SLC39A14: variants seen among roughly 807,000 people sequenced by gnomAD.
The protein encoded by SLC39A14 is solute carrier family 39 member 14.
Under a neutral mutation model 45.5 loss-of-function variants are expected in SLC39A14, and 19 were observed. That is an observed-to-expected ratio of 0.42 (90% confidence interval 0.29 to 0.61). The LOEUF (loss-of-function observed/expected upper bound fraction) is 0.61. Ranked by LOEUF, SLC39A14 falls within the 20% of genes least tolerant of loss-of-function variation. The probability of loss-of-function intolerance (pLI) is 0.22; values close to 1 mark genes in which losing one functional copy is unlikely to be tolerated. For missense variants in SLC39A14, 447 were observed against 616.5 expected, an observed-to-expected ratio of 0.73 and a Z score of 2.91; for synonymous variants, 264 against 251.3, an observed-to-expected ratio of 1.05 and a Z score of -0.48.
intron 8 of SLC39A14, 140 bp from the exon 9 acceptor site, chr8:22,419,412 G>A: frequency 1.3e-6 from 1 of 753,860 alleles, no homozygotes; most frequent in Non-Finnish European, 2.2e-6. Context: ...TCGAACTCCT[G>A]ACCTCTAGTG....
At position 22,408,467 on chromosome 8, in the gene SLC39A14, C is replaced by T. The variant is rs753123757; in HGVS notation, c.428C>T (p.Thr143Met). The T allele has an allele frequency of 1.3e-5, 21 of 1,613,910 alleles. No homozygotes were observed. The South Asian group carries it at 1.5e-4, about 12-fold the overall frequency. ...ENQENEENEQ[T>M]EEGRPSAVEV... is the part of the protein sequence containing the mutation. ...CAGGAAAACGAGGAGAATGAGCAGA[C>T]GGAGGAGGGGCGGCCAAGCGCTGTT... is the stretch of plus-strand genomic sequence containing the variant. Residue 143 changes from threonine (T) to methionine (M), a missense_variant, in exon 3 of 9, where the codon ACG becomes ATG. By Grantham distance (81) the Thr-to-Met change is moderately conservative (BLOSUM62 -1). Coordinates refer to ENST00000381237, the MANE Select transcript of SLC39A14 (RefSeq NM_001128431.4).
At chr8:22,375,724 G>A (rs2132170320) in intron 1 of SLC39A14, among the ~76,000 whole-genome samples, 1 of 152,244 alleles carries the variant, frequency 6.6e-6, no homozygotes, top group African/African-American at 2.4e-5. Flanking sequence ...TCGACCTCAG[G>A]TGATCTACCC....
At chr8:22,427,465 C>T (rs1373392103), downstream of SLC39A14, among the ~76,000 whole-genome samples, 3 of 151,516 alleles carry the variant, frequency 2.0e-5, no homozygotes, top group South Asian at 6.2e-4. Flanking sequence ...GAATCATTTT[C>T]TTGCTTAAAA....
chr8:22,377,311 C>T (rs1833269995), intron 1 of SLC39A14, among the ~76,000 whole-genome samples: 1 of 151,862 alleles, frequency 6.6e-6, no homozygotes, highest in Non-Finnish European at 1.5e-5. Flanking sequence ...ATTTCCTTTA[C>T]TACAAAATAT....
At chr8:22,406,717 G>A (rs917546278) in intron 2 of SLC39A14, among the ~76,000 whole-genome samples, 1 of 152,026 alleles carries the variant, frequency 6.6e-6, no homozygotes, top group South Asian at 2.1e-4. Flanking sequence ...AAAAAGGGAC[G>A]GGGGAACCAC....
chr8:22,416,026 G>A lies in SLC39A14; in HGVS notation c.940-47G>A, dbSNP rs1445828312. 3 of 1,608,646 alleles carry A rather than the reference G, an allele frequency of 1.9e-6. No homozygotes were observed. In the South Asian group the frequency reaches 3.3e-5, roughly 18 times the overall value. ...ACTCAGGCTTACCTTGAGGGCACATGGTCCAGCCTTTGACGCTGTGGGCCC... is the reference window on the plus strand; with the variant it reads ...ACTCAGGCTTACCTTGAGGGCACATAGTCCAGCCTTTGACGCTGTGGGCCC... On this transcript the variant is annotated intron_variant, in intron 6 of 8. Transcript: ENST00000381237.
At chr8:22,412,279 G>A (rs1835618294) in intron 4 of SLC39A14, 73 bp downstream of exon 4, 32 of 1,447,364 alleles carry the variant, frequency 2.2e-5, no homozygotes, top group Non-Finnish European at 2.8e-5. Flanking sequence ...TTGGATAGAA[G>A]GCATAGAGAG....
downstream of SLC39A14, among the ~76,000 whole-genome samples, chr8:22,425,243 A>G (rs1836364772): frequency 6.6e-6 from 1 of 152,190 alleles, no homozygotes; most frequent in Non-Finnish European, 1.5e-5. Flanking sequence ...TAAGCAAAGT[A>G]AACAGGCCAT....
downstream of SLC39A14, among the ~76,000 whole-genome samples, chr8:22,424,210 T>C (rs145007480): frequency 2.8e-4 from 43 of 152,344 alleles, no homozygotes; most frequent in African/African-American, 1.0e-3. Flanking sequence ...TTGAAACTTG[T>C]AACGTTTGCT....
At chr8:22,373,177 C>T (rs1165152193) in intron 1 of SLC39A14, among the ~76,000 whole-genome samples, 1 of 151,418 alleles carries the variant, frequency 6.6e-6, no homozygotes, top group Admixed American at 6.6e-5. Context: ...GCAGGAGAAT[C>T]GCTTGAACCT....
intron 1 of SLC39A14, among the ~76,000 whole-genome samples, chr8:22,371,901 C>T (rs974176252): frequency 1.3e-5 from 2 of 151,572 alleles, no homozygotes; most frequent in Non-Finnish European, 2.9e-5. Context: ...CCCGCCACCA[C>T]GCCTGGCTAA....
chr8:22,408,166 G>A (rs1439652943), intron 2 of SLC39A14, 144 bp from the exon 3 acceptor site: 1 of 700,922 alleles, frequency 1.4e-6, no homozygotes, highest in Admixed American at 2.8e-5. Context: ...CTCATCCCTA[G>A]ACTAGATGAA....
intron 8 of SLC39A14, among the ~76,000 whole-genome samples, chr8:22,418,645 C>CCT (rs1360700049): frequency 6.6e-6 from 1 of 151,936 alleles, no homozygotes; most frequent in Non-Finnish European, 1.5e-5. Context: ...GATCCTCCTC[C>CCT]CTCAGTCTCC....
At chr8:22,386,132 G>A (rs1448708314) in intron 1 of SLC39A14, among the ~76,000 whole-genome samples, 2 of 151,944 alleles carry the variant, frequency 1.3e-5, no homozygotes, top group African/African-American at 4.8e-5. Context: ...TGGTAGAGAC[G>A]GGGTTTCATT....
Position 22,389,062 on chromosome 8 carries a change from C to T in SLC39A14, c.-15-15634C>T, listed in dbSNP as rs967205713. The stretch of plus-strand genomic sequence containing the variant: ...GCTGGAAGGGGCCGGCGCTGAGCAG[C>T]GGCGCTTCTTACCTGTTTTGGTTAA... On this transcript the variant is annotated intron_variant, in intron 1 of 8. Transcript: ENST00000381237. 3.3e-5 allele frequency among the ~76,000 whole-genome samples: 5 copies of T among 152,290 alleles called. No individual in the cohort carries two copies. The South Asian group carries it at 6.2e-4, about 19-fold the overall frequency.
intron 1 of SLC39A14, among the ~76,000 whole-genome samples, chr8:22,378,575 A>G (rs546191757): frequency 2.5e-4 from 38 of 152,268 alleles, no homozygotes; most frequent in African/African-American, 8.9e-4. Context: ...CCCCTGTGAC[A>G]CAGCCTGTCT....
In SLC39A14 at chr8:22,422,227, G is replaced by T; in HGVS notation, c.*2529G>T. ...CAGCTCCTATTAATAAGTTAGCAAGGAAAGTGTATGTCACGTGCAGGAACA... is the reference window on the plus strand; with the variant it reads ...CAGCTCCTATTAATAAGTTAGCAAGTAAAGTGTATGTCACGTGCAGGAACA... On this transcript the variant is annotated 3_prime_UTR_variant, in exon 9 of 9. Coordinates refer to ENST00000381237, the MANE Select transcript of SLC39A14 (RefSeq NM_001128431.4). 4.1e-6 allele frequency: 4 copies of T among 985,460 alleles called. No individual in the cohort carries two copies. Among genetic ancestry groups the T allele is most frequent in the Non-Finnish European group, 4.8e-6 (4 of 829,940 alleles). The allele number at this position is 985,460 out of a possible 1,614,324, so 61.0% of individuals were successfully genotyped here.
At position 22,430,088 on chromosome 8, in the gene SLC39A14, G is replaced by C. The variant is rs149531229; in HGVS notation, c.1333-3803G>C. Among the ~76,000 whole-genome samples the C allele has an allele frequency of 4.4e-3, 663 of 152,332 alleles. 2 individuals carry two copies. Among genetic ancestry groups the C allele is most frequent in the African/African-American group, 0.014 (570 of 41,568 alleles). On this transcript the variant is annotated intron_variant, in intron 8 of 8. Coordinates refer to the SLC39A14 transcript ENST00000240095. ...ACATGAGGGAAGAAGGTTGGTGGGA[G>C]CTCAAAGTTGACAGGAGTCAGACCA...
chr8:22,370,254 C>G (rs958585460), intron 1 of SLC39A14, among the ~76,000 whole-genome samples: 1 of 152,162 alleles, frequency 6.6e-6, no homozygotes, highest in East Asian at 1.9e-4. Flanking sequence ...TACCTTCTTC[C>G]TCCTTCCTTA....
Sources: allele counts gnomAD v4.1 joint callset (sites outside exome capture counted in the v4.1 genomes callset), GRCh38; gene constraint gnomAD v4.1.1; transcripts MANE v1.5; gene names NCBI Gene and HGNC (gene_info 2026-07-23, HGNC 2026-07-21).